Variants in RHOT1 observed in about 807,000 individuals in gnomAD.
The protein encoded by RHOT1 is mitochondrial Rho GTPase 1.
In RHOT1, 27 loss-of-function variants were observed where a neutral mutation model predicts 95.3. That is an observed-to-expected ratio of 0.28 (90% CI 0.21 to 0.39). The LOEUF (loss-of-function observed/expected upper bound fraction) is 0.39. Ranked by LOEUF, RHOT1 falls within the 10% of genes least tolerant of loss-of-function variation. The pLI is 1.00. For missense variants in RHOT1, 578 were observed against 786.7 expected, an observed-to-expected ratio of 0.73 and a Z score of 3.17; for synonymous variants, 227 against 263.5, an observed-to-expected ratio of 0.86 and a Z score of 1.34.
In RHOT1 at chr17:32,224,893, C is replaced by T. The variant is rs556349154; in HGVS notation, c.*160C>T. 19 of 482,668 alleles carry T rather than the reference C, an allele frequency of 3.9e-5. No individual in the cohort carries two copies. In the East Asian group the frequency reaches 6.1e-4, roughly 15 times the overall value. The allele number at this position is 482,668 out of a possible 1,614,324, so 29.9% of individuals were successfully genotyped here. On this transcript the variant is annotated 3_prime_UTR_variant, in exon 20 of 20. Transcript: ENST00000545287. Reference sequence around the variant, plus strand: ...AGTATTTTAATGATAGTTATAACTGCAGTATTGGCTAGCATATGGAAAGAA... The same window carrying T: ...AGTATTTTAATGATAGTTATAACTGTAGTATTGGCTAGCATATGGAAAGAA...
intron 1 of RHOT1, among the ~76,000 whole-genome samples, chr17:32,149,611 A>ATGTG (rs1459915998): frequency 4.7e-4 from 40 of 85,862 alleles, no homozygotes; most frequent in African/African-American, 2.8e-3. Context: ...ATATATATAT[A>ATGTG]TATATATATA....
intron 1 of RHOT1, among the ~76,000 whole-genome samples, chr17:32,167,412 C>T (rs902778476): frequency 1.3e-5 from 2 of 151,922 alleles, no homozygotes; most frequent in African/African-American, 2.4e-5. Flanking sequence ...CTGCAAGCTC[C>T]GCCTCCCGGG....
chr17:32,215,381 A>G (rs1220530041), intron 19 of RHOT1, among the ~76,000 whole-genome samples: 2 of 152,156 alleles, frequency 1.3e-5, no homozygotes, highest in Non-Finnish European at 2.9e-5. Context: ...ACTGTCCCCT[A>G]ACCCCACCTT....
At chr17:32,211,894 C>G (rs889104760) in intron 19 of RHOT1, among the ~76,000 whole-genome samples, 2 of 151,664 alleles carry the variant, frequency 1.3e-5, no homozygotes, top group Non-Finnish European at 2.9e-5. Context: ...TAAAGTAACA[C>G]GCTTTTAAGA....
At chr17:32,153,717 A>C (rs2032601066) in intron 1 of RHOT1, among the ~76,000 whole-genome samples, 1 of 152,238 alleles carries the variant, frequency 6.6e-6, no homozygotes, top group East Asian at 1.9e-4. Flanking sequence ...AGTTCCTGGA[A>C]ATATCCATGC....
Position 32,224,719 on chromosome 17 carries a change from T to C in RHOT1, c.1966T>C (p.Leu656=). Residue 656 remains leucine, a synonymous_variant, in exon 20 of 20, where the codon TTG becomes CTG. Coordinates refer to ENST00000545287, the MANE Select transcript of RHOT1 (RefSeq NM_001033566.3). ...GGGCTTTGCTATGTACAAAGCATTA[T>C]TGAAACAGCGATGATATAAAAAGAA... is the stretch of plus-strand genomic sequence containing the variant. ...VLGFAMYKAL[L]KQR 6.2e-7 allele frequency: 1 copy of C among 1,605,318 alleles called. No individual in the cohort carries two copies. Among genetic ancestry groups the C allele is most frequent in the Non-Finnish European group, 8.5e-7 (1 of 1,173,482 alleles).
chr17:32,193,315 T>C, intron 10 of RHOT1, 71 bp downstream of exon 10: 1 of 890,096 alleles, frequency 1.1e-6, no homozygotes, highest in Non-Finnish European at 1.9e-6. Flanking sequence ...TGAAGGTCTT[T>C]ATTGCATTAT....
chr17:32,215,111 C>T (rs2038389854), intron 19 of RHOT1, among the ~76,000 whole-genome samples: 1 of 151,760 alleles, frequency 6.6e-6, no homozygotes, highest in Admixed American at 6.6e-5. Context: ...TCAAACTGGT[C>T]TCGAACTCCT....
At chr17:32,150,517 A>G in intron 1 of RHOT1, 1 of 1,417,202 alleles carries the variant, frequency 7.1e-7, no homozygotes, top group Non-Finnish European at 9.9e-7. Flanking sequence ...TTGCCTTATC[A>G]TACTGGGCCA....
At chr17:32,153,845 G>C (rs185993910) in intron 1 of RHOT1, among the ~76,000 whole-genome samples, 5 of 152,228 alleles carry the variant, frequency 3.3e-5, no homozygotes, top group Admixed American at 6.5e-5. Flanking sequence ...CCTTTAAAAG[G>C]CCTTGCTGTT....
chr17:32,166,085 G>A (rs1205205342), intron 1 of RHOT1, among the ~76,000 whole-genome samples: 1 of 151,708 alleles, frequency 6.6e-6, no homozygotes, highest in East Asian at 1.9e-4. Context: ...CCACTCGAGT[G>A]GCTGAGACAT....
chr17:32,157,848 T>G (rs909528070), intron 1 of RHOT1, among the ~76,000 whole-genome samples: 2 of 151,460 alleles, frequency 1.3e-5, no homozygotes, highest in Non-Finnish European at 2.9e-5. Flanking sequence ...AGAATACGTG[T>G]GTCTTAATTG....
At chr17:32,156,288 G>C (rs1440197514) in intron 1 of RHOT1, among the ~76,000 whole-genome samples, 1 of 152,170 alleles carries the variant, frequency 6.6e-6, no homozygotes, top group Non-Finnish European at 1.5e-5. Context: ...ACAGGGTCTC[G>C]CTGTGTCACC....
chr17:32,200,847 CAA>C (rs1210079778), intron 13 of RHOT1, 107 bp from the exon 14 acceptor site: 6 of 689,340 alleles, frequency 8.7e-6, no homozygotes, highest in South Asian at 5.0e-5. Context: ...GTAGTCTAGA[CAA>C]AAATTATCTA....
At chr17:32,196,439 G>T (rs946354814) in intron 11 of RHOT1, among the ~76,000 whole-genome samples, 1 of 151,940 alleles carries the variant, frequency 6.6e-6, no homozygotes, top group Non-Finnish European at 1.5e-5. Context: ...AAATCCTCCC[G>T]CGTTGACCTC....
intron 19 of RHOT1, among the ~76,000 whole-genome samples, chr17:32,215,152 C>G (rs1335375562): frequency 1.3e-5 from 2 of 151,946 alleles, no homozygotes; most frequent in Non-Finnish European, 2.9e-5. Flanking sequence ...CCTCAGCCTC[C>G]CAAAGTGCTG....
chr17:32,170,284 A>G (rs1016181040), intron 1 of RHOT1, among the ~76,000 whole-genome samples: 1 of 152,068 alleles, frequency 6.6e-6, no homozygotes, highest in Admixed American at 6.6e-5. Context: ...ACGTGGTGAC[A>G]CATGCCTATA....
At chr17:32,169,246 A>G (rs541795639) in intron 1 of RHOT1, among the ~76,000 whole-genome samples, 11 of 152,190 alleles carry the variant, frequency 7.2e-5, no homozygotes, top group Non-Finnish European at 1.6e-4. Context: ...CATTTATTTT[A>G]TATTTAGACT....
intron 1 of RHOT1, among the ~76,000 whole-genome samples, chr17:32,155,237 G>A (rs1275397850): frequency 2.6e-5 from 4 of 151,802 alleles, no homozygotes; most frequent in African/African-American, 9.7e-5. Context: ...TCGGCTCACT[G>A]CAAGCTCCGC....
Sources: gnomAD v4.1 joint callset for allele counts (sites outside exome capture counted in the v4.1 genomes callset) on GRCh38, gnomAD v4.1.1 for gene constraint, MANE v1.5 for transcripts, NCBI Gene and HGNC (gene_info 2026-07-23, HGNC 2026-07-21) for gene names.